Variants in SPHKAP observed in about 807,000 individuals in gnomAD.
SPHKAP encodes the protein A-kinase anchor protein SPHKAP.
Under a neutral mutation model 137.5 loss-of-function variants are expected in SPHKAP, and 67 were observed. The ratio of observed to expected loss-of-function variants is 0.49; its 90% confidence interval spans 0.40 to 0.60. The LOEUF is 0.60. Among genes scored for constraint, SPHKAP ranks in the 20% least tolerant of loss-of-function variants. The pLI, the probability that SPHKAP is intolerant of heterozygous loss-of-function variation, is 0.00. For missense variants in SPHKAP, 2,097 were observed against 2,069.3 expected, an observed-to-expected ratio of 1.01 and a Z score of -0.26; for synonymous variants, 813 against 785.3, an observed-to-expected ratio of 1.04 and a Z score of -0.59.
chr2:227,994,926 G>A (rs989365925), intron 8 of SPHKAP, among the ~76,000 whole-genome samples: 2 of 152,160 alleles, frequency 1.3e-5, no homozygotes, highest in East Asian at 3.8e-4. Flanking sequence ...GAGATTTTGG[G>A]CAGAAACACA....
At chr2:228,175,170 T>A (rs1402708209) in intron 1 of SPHKAP, among the ~76,000 whole-genome samples, 1 of 150,042 alleles carries the variant, frequency 6.7e-6, no homozygotes, top group Non-Finnish European at 1.5e-5. Flanking sequence ...TGGCTGAATT[T>A]TTTTTCGGAA....
At chr2:228,172,737 C>T (rs550678086) in intron 1 of SPHKAP, among the ~76,000 whole-genome samples, 87 of 152,302 alleles carry the variant, frequency 5.7e-4, no homozygotes, top group Non-Finnish European at 1.1e-3. Context: ...TGGCTTGGGG[C>T]TCTGCTCCAA....
chr2:228,009,528 G>A (rs947656374), intron 7 of SPHKAP, among the ~76,000 whole-genome samples: 1 of 151,976 alleles, frequency 6.6e-6, no homozygotes, highest in Non-Finnish European at 1.5e-5. Context: ...CATCTTCTCT[G>A]TAATTTCTGG....
intron 4 of SPHKAP, among the ~76,000 whole-genome samples, chr2:228,027,055 G>A (rs1695069695): frequency 6.6e-6 from 1 of 152,170 alleles, no homozygotes; most frequent in Non-Finnish European, 1.5e-5. Context: ...GGCCCTCACT[G>A]CCTTGGATGC....
rs1486594662 is a variant in SPHKAP, at chr2:228,018,093, G to A, written c.2761C>T (p.Pro921Ser). ...PAQSTLQTKH[P>S]DIYCITDFAE... ...AAGTCTGTAATGCAGTAGATGTCTG[G>A]ATGCTTTGTTTGAAGCGTGGATTGA... Residue 921 changes from proline to serine, a missense_variant, in exon 7 of 12, where the codon CCA (proline) becomes TCA (serine). Transcript: ENST00000392056. 3.7e-6 allele frequency: 6 copies of A among 1,614,044 alleles called. No individual in the cohort carries two copies. The highest frequency in any genetic ancestry group is 3.3e-5 in the Admixed American group (2 of 60,004).
At chr2:228,013,097 T>C (rs1017920596) in intron 7 of SPHKAP, among the ~76,000 whole-genome samples, 1 of 152,222 alleles carries the variant, frequency 6.6e-6, no homozygotes, top group African/African-American at 2.4e-5. Flanking sequence ...TAGAACTGTT[T>C]CACAGAGAAG....
Position 228,181,620 on chromosome 2 carries a change from G to T in SPHKAP, c.-22C>A. 6.2e-7 allele frequency: 1 copy of T among 1,614,108 alleles called. No homozygotes were observed. The highest frequency in any genetic ancestry group is 8.5e-7 in the Non-Finnish European group (1 of 1,180,008). ...CCATTGTTGGTGGGCGCCCAGAGAAGAAAGACGGAAAGTGCAGGCGAAGGA... is the reference window on the plus strand; with the variant it reads ...CCATTGTTGGTGGGCGCCCAGAGAATAAAGACGGAAAGTGCAGGCGAAGGA... On this transcript the variant is annotated 5_prime_UTR_variant, in exon 1 of 12. Transcript: ENST00000392056. The surrounding 1 kb of genome is among the most constrained non-coding windows in gnomAD (Gnocchi z 4.3).
chr2:228,087,297 C>T lies in SPHKAP; in HGVS notation c.246+21535G>A, dbSNP rs115161721. On this transcript the variant is annotated intron_variant, in intron 3 of 11. Coordinates refer to ENST00000392056, the MANE Select transcript of SPHKAP (RefSeq NM_001142644.2). ...AAAATTAAGGAACAACAAAACAAGG[C>T]CTAGAGAGAACGGAATGGAGTCAGT... Among the ~76,000 whole-genome samples, 614 of 152,062 alleles carry T rather than the reference C, an allele frequency of 4.0e-3. 6 individuals carry two copies. The highest frequency in any genetic ancestry group is 0.014 in the African/African-American group (584 of 41,478).
chr2:228,107,886 C>G (rs1698393364), intron 3 of SPHKAP, among the ~76,000 whole-genome samples: 1 of 152,156 alleles, frequency 6.6e-6, no homozygotes, highest in Non-Finnish European at 1.5e-5. Context: ...AAACTTTTGC[C>G]TAAACAAAGG....
chr2:228,113,603 A>ATCTCTCTCTCTCTCTC lies in SPHKAP; in HGVS notation c.139-4680_139-4665dup, dbSNP rs139499722. Among the ~76,000 whole-genome samples, 548 of 97,952 alleles carry ATCTCTCTCTCTCTCTC rather than the reference A, an allele frequency of 5.6e-3. 37 individuals carry two copies. Among genetic ancestry groups the ATCTCTCTCTCTCTCTC allele is most frequent in the Middle Eastern group, 0.019 (3 of 156 alleles). 64.3% of individuals were successfully genotyped at this position (97,952 alleles called of 152,430 possible). On this transcript the variant is annotated intron_variant, in intron 2 of 11. Transcript: ENST00000392056. ...CAAATCCCAGTCTATGCATTTAGCC[A>ATCTCTCTCTCTCTCTC]TCTCTCTCTCTCTCTCTCTCTCTCT...
intron 3 of SPHKAP, among the ~76,000 whole-genome samples, chr2:228,056,803 T>A (rs2106281119): frequency 6.6e-6 from 1 of 152,298 alleles, no homozygotes; most frequent in Non-Finnish European, 1.5e-5. Context: ...TGGGAAGGCC[T>A]CTTTTCTTTT....
chr2:228,165,963 A>T (rs1054852415), intron 1 of SPHKAP, among the ~76,000 whole-genome samples: 7 of 152,110 alleles, frequency 4.6e-5, no homozygotes, highest in Non-Finnish European at 8.8e-5. Flanking sequence ...AAGATGAAGG[A>T]TTTCCAAAAA....
At position 227,991,271 on chromosome 2, in the gene SPHKAP, T is replaced by C; in HGVS notation, c.4774+3A>G. ...GTGTCAAAAGTATGGGAAGGTGGCT[T>C]ACCCTCTGTGCTTTCTGACTGTCCT... On this transcript the variant is annotated splice_donor_region_variant and intron_variant, in intron 10 of 11. Transcript: ENST00000392056. The C allele has an allele frequency of 1.2e-6, 2 of 1,614,226 alleles. No individual in the cohort carries two copies. Among genetic ancestry groups the C allele is most frequent in the East Asian group, 2.2e-5 (1 of 44,880 alleles).
chr2:228,015,816 ACTTG>A (rs1694561417), intron 7 of SPHKAP, among the ~76,000 whole-genome samples: 1 of 152,154 alleles, frequency 6.6e-6, no homozygotes, highest in Admixed American at 6.5e-5. Flanking sequence ...AGAAAGCAAA[ACTTG>A]AAAGGAGAGA....
chr2:228,172,111 AAT>A (rs1226979407), intron 1 of SPHKAP, among the ~76,000 whole-genome samples: 1 of 152,174 alleles, frequency 6.6e-6, no homozygotes, highest in Non-Finnish European at 1.5e-5. Flanking sequence ...GTACAAGTTA[AAT>A]ATGTTTACTA....
At chr2:228,114,829 T>C (rs545673662) in intron 2 of SPHKAP, among the ~76,000 whole-genome samples, 2 of 152,270 alleles carry the variant, frequency 1.3e-5, no homozygotes, top group Non-Finnish European at 2.9e-5. Flanking sequence ...CCAATGCTCA[T>C]TGAGCTTTTT....
chr2:228,003,179 T>G (rs1311808754), intron 7 of SPHKAP, among the ~76,000 whole-genome samples: 1 of 152,254 alleles, frequency 6.6e-6, no homozygotes, highest in East Asian at 1.9e-4. Context: ...TTTCACGACA[T>G]TGATTCTTCC....
intron 1 of SPHKAP, among the ~76,000 whole-genome samples, chr2:228,170,724 T>G (rs1186273300): frequency 6.6e-6 from 1 of 152,132 alleles, no homozygotes; most frequent in Non-Finnish European, 1.5e-5. Flanking sequence ...ACATAACTTT[T>G]GAATCCCTTG....
rs1694772341 is a variant in SPHKAP at position 228,019,978 on chromosome 2, C to T, written c.876G>A (p.Lys292=). Residue 292 remains lysine (K), a synonymous_variant, in exon 7 of 12, where the codon AAG becomes AAA. Transcript: ENST00000392056. The part of the protein sequence containing the change: ...KTERSPENLT[K]NTALQSLDPS... ...GATCTAGACTCTGCAAGGCTGTGTT[C>T]TTTGTTAGGTTTTCTGGAGATCGTT... is the stretch of plus-strand genomic sequence containing the variant. 6.2e-7 allele frequency: 1 copy of T among 1,614,060 alleles called. No individual in the cohort carries two copies. The highest frequency in any genetic ancestry group is 1.3e-5 in the African/African-American group (1 of 74,918).
Sources: gnomAD v4.1 joint callset for allele counts (sites outside exome capture counted in the v4.1 genomes callset) on GRCh38, gnomAD v4.1.1 for gene constraint, Gnocchi (gnomAD v3.1) non-coding constraint, MANE v1.5 for transcripts, NCBI Gene and HGNC (gene_info 2026-07-23, HGNC 2026-07-21) for gene names.